The following ATXN7L1 variants were observed in gnomAD, a reference collection of about 807,000 sequenced individuals.
ATXN7L1 encodes ataxin 7 like 1.
A neutral mutation model predicts 70.8 loss-of-function variants in ATXN7L1; 15 were observed. The ratio of observed to expected loss-of-function variants is 0.21; its 90% CI spans 0.14 to 0.33. The LOEUF is 0.33. Ranked by LOEUF, ATXN7L1 falls within the 10% of genes least tolerant of loss-of-function variation. ATXN7L1 has a pLI of 1.00. For synonymous variants in ATXN7L1, 440 were observed against 445.1 expected (o/e 0.99, Z 0.14); for missense variants, 975 against 1,097.1 (o/e 0.89, Z 1.57).
At chr7:105,851,358 C>T (rs537121065) in intron 2 of ATXN7L1, among the ~76,000 whole-genome samples, 22 of 152,302 alleles carry the variant, frequency 1.4e-4, no homozygotes, top group Admixed American at 1.3e-4. Context: ...TCGAGTTCCT[C>T]GACGATCAAC....
rs1163939725 is a variant in ATXN7L1 at position 105,876,464 on chromosome 7, A to G, written c.95T>C (p.Leu32Pro). 3 of 1,613,998 alleles carry G rather than the reference A, an allele frequency of 1.9e-6. No homozygotes were observed. Among genetic ancestry groups the G allele is most frequent in the Admixed American group, 3.3e-5 (2 of 60,016 alleles). The change falls in exon 1 of 12, where the codon CTG (leucine) becomes CCG (proline). Residue 32 changes from leucine to proline, a missense_variant. By Grantham distance (98) the Leu-to-Pro change is moderately conservative. Transcript: ENST00000419735. The part of the protein sequence containing the change: ...KQQEGRAMAT[L>P]DRKVPSPEAF... ...CTCCGGACTGGGCACTTTGCGATCC[A>G]GTGTCGCCATTGCTCTTCCTTCTTG...
chr7:105,848,948 G>A (rs1032430426), intron 2 of ATXN7L1, among the ~76,000 whole-genome samples: 12 of 152,088 alleles, frequency 7.9e-5, no homozygotes, highest in African/African-American at 2.9e-4. Context: ...CATGGCTCTA[G>A]ACTCAGGTCT....
intron 3 of ATXN7L1, among the ~76,000 whole-genome samples, chr7:105,671,281 CAA>C (rs34689804): frequency 6.2e-5 from 8 of 129,828 alleles, no homozygotes; most frequent in African/African-American, 8.6e-5. Flanking sequence ...GACTCCGTCT[CAA>C]AAAAAAAAAA....
chr7:105,704,105 G>A (rs919580098), intron 3 of ATXN7L1, among the ~76,000 whole-genome samples: 9 of 152,116 alleles, frequency 5.9e-5, no homozygotes, highest in African/African-American at 1.9e-4. Context: ...AGGCCTATGT[G>A]GCCAAACCAC....
intron 3 of ATXN7L1, among the ~76,000 whole-genome samples, chr7:105,714,488 C>A (rs1259481558): frequency 6.6e-6 from 1 of 152,130 alleles, no homozygotes; most frequent in African/African-American, 2.4e-5. Context: ...AATAATAAGA[C>A]CATATTACTA....
chr7:105,842,731 A>G (rs1813404228), intron 2 of ATXN7L1, among the ~76,000 whole-genome samples: 1 of 152,226 alleles, frequency 6.6e-6, no homozygotes, highest in Non-Finnish European at 1.5e-5. Flanking sequence ...GCTGGATCAT[A>G]CCATAACTGT....
intron 2 of ATXN7L1, among the ~76,000 whole-genome samples, chr7:105,816,506 A>G (rs1329899356): frequency 6.6e-6 from 1 of 152,250 alleles, no homozygotes; most frequent in Non-Finnish European, 1.5e-5. Context: ...GTTCAGATTC[A>G]GAACCTATAA....
intron 3 of ATXN7L1, among the ~76,000 whole-genome samples, chr7:105,726,259 A>G (rs1008513837): frequency 7.9e-5 from 12 of 152,202 alleles, no homozygotes; most frequent in Non-Finnish European, 1.5e-5. Flanking sequence ...TCACACATCC[A>G]TCCAAACTTC....
chr7:105,734,137 A>C (rs1222556949), intron 3 of ATXN7L1, among the ~76,000 whole-genome samples: 1 of 152,220 alleles, frequency 6.6e-6, no homozygotes, highest in Non-Finnish European at 1.5e-5. Flanking sequence ...CTAAATTCTG[A>C]GTATTAGTTT....
chr7:105,846,636 A>C (rs758290657), intron 2 of ATXN7L1, among the ~76,000 whole-genome samples: 2 of 152,226 alleles, frequency 1.3e-5, no homozygotes, highest in Non-Finnish European at 2.9e-5. Flanking sequence ...AAGAGAAAAC[A>C]TATGTCCACA....
At chr7:105,692,422 C>A (rs1230307081) in intron 3 of ATXN7L1, among the ~76,000 whole-genome samples, 1 of 117,788 alleles carries the variant, frequency 8.5e-6, no homozygotes, top group Non-Finnish European at 1.8e-5. Context: ...TCCTTCCTTC[C>A]TTCCTCCCTC....
chr7:105,700,673 C>T (rs938672367), intron 3 of ATXN7L1, among the ~76,000 whole-genome samples: 7 of 151,890 alleles, frequency 4.6e-5, no homozygotes, highest in African/African-American at 1.7e-4. Flanking sequence ...CCCTGAGCTG[C>T]CTTTGCTCTA....
intron 2 of ATXN7L1, among the ~76,000 whole-genome samples, chr7:105,861,055 T>C (rs1449541441): frequency 6.6e-6 from 1 of 150,914 alleles, no homozygotes; most frequent in African/African-American, 2.4e-5. Flanking sequence ...TTAGAAAGTA[T>C]GGCTGGCCCT....
At chr7:105,609,756 G>A (rs1424367919) in intron 11 of ATXN7L1, among the ~76,000 whole-genome samples, 1 of 151,722 alleles carries the variant, frequency 6.6e-6, no homozygotes, top group African/African-American at 2.4e-5. Context: ...CATCATGCCT[G>A]GCTGGCAAGT....
chr7:105,663,590 T>G (rs1019790027), intron 4 of ATXN7L1, among the ~76,000 whole-genome samples: 2 of 152,182 alleles, frequency 1.3e-5, no homozygotes, highest in Non-Finnish European at 2.9e-5. Context: ...AAGATAAGCA[T>G]AGAGGTGCTG....
intron 2 of ATXN7L1, among the ~76,000 whole-genome samples, chr7:105,815,094 A>G (rs1563115596): frequency 6.6e-6 from 1 of 152,198 alleles, no homozygotes; most frequent in Non-Finnish European, 1.5e-5. Flanking sequence ...TCTTCAGGGA[A>G]AAGATGTGAA....
At chr7:105,618,312 CA>C (rs1374465061) in intron 9 of ATXN7L1, among the ~76,000 whole-genome samples, 1 of 152,184 alleles carries the variant, frequency 6.6e-6, no homozygotes, top group Non-Finnish European at 1.5e-5. Context: ...CGTGTAGCAC[CA>C]ATTTGTTGCT....
intron 2 of ATXN7L1, among the ~76,000 whole-genome samples, chr7:105,841,983 C>T (rs917266640): frequency 6.6e-6 from 1 of 152,078 alleles, no homozygotes; most frequent in Non-Finnish European, 1.5e-5. Context: ...ACAGGGTGCT[C>T]CAGGCTGAGG....
At chr7:105,662,859 G>C (rs942351367) in intron 4 of ATXN7L1, among the ~76,000 whole-genome samples, 2 of 152,108 alleles carry the variant, frequency 1.3e-5, no homozygotes, top group African/African-American at 4.8e-5. Flanking sequence ...TAACCATGAC[G>C]TTATGCTAAA....
Sources: allele counts gnomAD v4.1 joint callset (sites outside exome capture counted in the v4.1 genomes callset), GRCh38; gene constraint gnomAD v4.1.1; transcripts MANE v1.5; gene names NCBI Gene and HGNC (gene_info 2026-07-23, HGNC 2026-07-21).